CCDC146: variants seen among roughly 807,000 people sequenced by gnomAD.
The protein encoded by CCDC146 is coiled-coil domain containing 146.
Under a neutral mutation model 119.3 loss-of-function variants are expected in CCDC146, and 92 were observed. The ratio of observed to expected loss-of-function variants is 0.77; its 90% CI spans 0.65 to 0.92. The LOEUF is 0.92. Ranked by LOEUF, CCDC146 falls within the 40% of genes least tolerant of loss-of-function variation. CCDC146 has a pLI of 0.00. For missense variants in CCDC146, 1,000 were observed against 1,103.0 expected (o/e 0.91, Z 1.32); for synonymous variants, 372 against 371.8 (o/e 1.00, Z -0.01).
At chr7:77,210,246 C>T (rs1792156936) in intron 2 of CCDC146, among the ~76,000 whole-genome samples, 1 of 152,200 alleles carries the variant, frequency 6.6e-6, no homozygotes, top group Non-Finnish European at 1.5e-5. Context: ...AGCCAGGGAA[C>T]ATCTTACATG....
At chr7:77,290,667 T>C (rs1793927660) in intron 17 of CCDC146, among the ~76,000 whole-genome samples, 1 of 152,252 alleles carries the variant, frequency 6.6e-6, no homozygotes, top group African/African-American at 2.4e-5. Context: ...GCAAAACTTA[T>C]GACTCACTGA....
chr7:77,141,556 T>G (rs1198243324), intron 1 of CCDC146, among the ~76,000 whole-genome samples: 1 of 152,242 alleles, frequency 6.6e-6, no homozygotes, highest in African/African-American at 2.4e-5. Flanking sequence ...GCGTTCCTAT[T>G]TCTCCATATC....
At chr7:77,185,069 T>G (rs1219484203) in intron 2 of CCDC146, among the ~76,000 whole-genome samples, 2 of 152,094 alleles carry the variant, frequency 1.3e-5, no homozygotes, top group Non-Finnish European at 2.9e-5. Flanking sequence ...AAAAACAGTT[T>G]GTAGATAACA....
Position 77,132,580 on chromosome 7 carries a change from GA to G in CCDC146, c.-12+9855del, listed in dbSNP as rs1218325287. On this transcript the variant is annotated intron_variant, in intron 1 of 18. Coordinates refer to ENST00000285871, the MANE Select transcript of CCDC146 (RefSeq NM_020879.3). ...AAAAAAAAAAAAAAAAAGAAAGAAA[GA>G]AAAAAATCAGCCAGTCATGGTGGCA... Among the ~76,000 whole-genome samples, 7 of 142,430 alleles carry G rather than the reference GA, an allele frequency of 4.9e-5. No individual in the cohort carries two copies. The East Asian group carries it at 1.0e-3, about 21-fold the overall frequency. 93.4% of individuals were successfully genotyped at this position (142,430 alleles called of 152,430 possible). A position where few individuals can be genotyped will look rare whatever the true frequency, so the allele number is the denominator to read the frequency against.
At chr7:77,226,526 A>C (rs1391222426) in intron 2 of CCDC146, among the ~76,000 whole-genome samples, 1 of 152,206 alleles carries the variant, frequency 6.6e-6, no homozygotes, top group African/African-American at 2.4e-5. Flanking sequence ...AATTTTTTCC[A>C]TATTGTTACA....
intron 1 of CCDC146, among the ~76,000 whole-genome samples, chr7:77,159,359 G>A (rs1437833910): frequency 1.3e-5 from 2 of 152,082 alleles, no homozygotes; most frequent in East Asian, 1.9e-4. Flanking sequence ...GCTTCTATGA[G>A]TTTGACTGCT....
At chr7:77,293,669 G>A (rs1013757838) in intron 18 of CCDC146, among the ~76,000 whole-genome samples, 2 of 152,276 alleles carry the variant, frequency 1.3e-5, no homozygotes, top group East Asian at 3.9e-4. Flanking sequence ...AGGCCCCAGC[G>A]CCACCCCTTT....
intron 1 of CCDC146, among the ~76,000 whole-genome samples, chr7:77,158,850 C>G (rs558831351): frequency 1.6e-4 from 24 of 152,250 alleles, no homozygotes; most frequent in African/African-American, 5.8e-4. Flanking sequence ...ACTTTGTTAT[C>G]TGGTTAAGTC....
rs1793177106 is a variant in CCDC146 at position 77,256,320 on chromosome 7, A to G, written c.508-13A>G. On this transcript the variant is annotated splice_polypyrimidine_tract_variant and intron_variant, in intron 5 of 18. Transcript: ENST00000285871. ...CAGACTATATAACCTAATCATCTTC[A>G]CGACTTTTAAAGGAAATGGAGAAGA... 1 of 1,577,054 alleles carries G rather than the reference A, an allele frequency of 6.3e-7. No individual in the cohort carries two copies. The highest frequency in any genetic ancestry group is 8.6e-7 in the Non-Finnish European group (1 of 1,165,674).
In CCDC146 at chr7:77,196,157, A is replaced by G; in HGVS notation, c.156+28333A>G. 1 of 695,858 alleles carries G rather than the reference A, an allele frequency of 1.4e-6. No homozygotes were observed. Among genetic ancestry groups the G allele is most frequent in the Non-Finnish European group, 2.4e-6 (1 of 423,424 alleles). The allele number at this position is 695,858 out of a possible 1,614,324, so 43.1% of individuals were successfully genotyped here. On this transcript the variant is annotated intron_variant, in intron 2 of 18. Coordinates refer to ENST00000285871, the MANE Select transcript of CCDC146 (RefSeq NM_020879.3). This position sits in a 1 kb window ranked among gnomAD's most constrained non-coding sequence, Gnocchi z 4.2. ...TATTTCAAATGCTGTGTAGCATAAG[A>G]ACCTAGCCGTCAGACATCATTTTTT...
At chr7:77,161,574 T>G (rs1791262237) in intron 1 of CCDC146, among the ~76,000 whole-genome samples, 1 of 140,362 alleles carries the variant, frequency 7.1e-6, no homozygotes, top group Admixed American at 8.0e-5. Flanking sequence ...ACTCATAGGT[T>G]GGAATTGAAC....
Position 77,294,723 on chromosome 7 carries a change from C to A in CCDC146, c.2725C>A (p.Arg909Ser). The A allele has an allele frequency of 6.2e-7, 1 of 1,614,136 alleles. No individual in the cohort carries two copies. The highest frequency in any genetic ancestry group is 8.5e-7 in the Non-Finnish European group (1 of 1,179,996). The change falls in exon 19 of 19, where the codon CGT becomes AGT. Residue 909 changes from arginine (R) to serine (S), a missense_variant. Physicochemically the swap from Arg to Ser is moderately radical, Grantham distance 110. Around this residue, in one of 2 missense-constraint regions of CCDC146, gnomAD observed 985 missense variants for 1,045.3 expected, o/e 0.94. Coordinates refer to ENST00000285871, the MANE Select transcript of CCDC146 (RefSeq NM_020879.3). ...TGGTGTTTACACAACTGCAGAGCAG[C>A]GTCCGAATGCCTACATCCCAGAAGC... ...PNGVYTTAEQ[R>S]PNAYIPEADA...
At chr7:77,191,046 A>G (rs970381628) in intron 2 of CCDC146, among the ~76,000 whole-genome samples, 3 of 152,106 alleles carry the variant, frequency 2.0e-5, no homozygotes, top group African/African-American at 7.2e-5. Flanking sequence ...AAAGTTTGCC[A>G]CTGTTACATT....
At chr7:77,233,785 A>G (rs574237403) in intron 2 of CCDC146, among the ~76,000 whole-genome samples, 1 of 152,358 alleles carries the variant, frequency 6.6e-6, no homozygotes, top group African/African-American at 2.4e-5. Flanking sequence ...TGTGCAGCCC[A>G]GTTCCTAAAG....
At chr7:77,279,784 G>T (rs1793729579) in intron 13 of CCDC146, among the ~76,000 whole-genome samples, 1 of 152,124 alleles carries the variant, frequency 6.6e-6, no homozygotes, top group Non-Finnish European at 1.5e-5. Flanking sequence ...GCAAATGGTT[G>T]TTTTCTTCAT....
chr7:77,169,246 G>A (rs1407532716), intron 2 of CCDC146, among the ~76,000 whole-genome samples: 4 of 152,024 alleles, frequency 2.6e-5, no homozygotes, highest in East Asian at 3.9e-4. Flanking sequence ...ACACAATCTC[G>A]TATCCTTCTC....
intron 4 of CCDC146, among the ~76,000 whole-genome samples, chr7:77,248,813 C>T (rs1399725111): frequency 6.6e-6 from 1 of 152,162 alleles, no homozygotes; most frequent in Non-Finnish European, 1.5e-5. Context: ...AGCATCGTGT[C>T]CTCTCATCTT....
chr7:77,142,157 A>G (rs1302684193), intron 1 of CCDC146, among the ~76,000 whole-genome samples: 2 of 152,308 alleles, frequency 1.3e-5, no homozygotes, highest in Admixed American at 6.5e-5. Flanking sequence ...AAACTGGCAC[A>G]AGACAAGGAT....
At chr7:77,261,648 T>G (rs1397904716) in intron 8 of CCDC146, among the ~76,000 whole-genome samples, 1 of 151,992 alleles carries the variant, frequency 6.6e-6, no homozygotes, top group Non-Finnish European at 1.5e-5. Context: ...CGGCTAATTT[T>G]TTGTATTTTT....
Sources: allele counts gnomAD v4.1 joint callset (sites outside exome capture counted in the v4.1 genomes callset), GRCh38; gene constraint gnomAD v4.1.1; regional missense constraint gnomAD v4.1.1; non-coding constraint Gnocchi (gnomAD v3.1); transcripts MANE v1.5; gene names NCBI Gene and HGNC (gene_info 2026-07-23, HGNC 2026-07-21).